Variants in MAP3K20 observed in about 807,000 individuals in gnomAD.
MAP3K20 encodes HCCS-4.
MAP3K20 carries 40 observed loss-of-function variants against 85.7 expected under a neutral mutation model. The ratio of observed to expected loss-of-function variants is 0.47; its 90% CI spans 0.36 to 0.61. The LOEUF is 0.61. MAP3K20 is among the 20% of genes least tolerant of loss of function. The pLI is 0.00. For missense variants in MAP3K20, 817 were observed against 961.7 expected (o/e 0.85, Z 1.99); for synonymous variants, 325 against 327.7 (o/e 0.99, Z 0.09).
At chr2:173,205,949 T>C (rs1020400484) in intron 9 of MAP3K20, among the ~76,000 whole-genome samples, 1 of 152,210 alleles carries the variant, frequency 6.6e-6, no homozygotes, top group African/African-American at 2.4e-5. Flanking sequence ...TAAGCACGTA[T>C]TTTCAAGCTT....
At chr2:173,098,405 C>G (rs1440972144) in intron 2 of MAP3K20, among the ~76,000 whole-genome samples, 1 of 152,184 alleles carries the variant, frequency 6.6e-6, no homozygotes, top group Non-Finnish European at 1.5e-5. Flanking sequence ...AAATATCACA[C>G]CTGACCTCAT....
intron 9 of MAP3K20, among the ~76,000 whole-genome samples, chr2:173,204,482 A>C (rs1359767213): frequency 6.6e-6 from 1 of 152,236 alleles, no homozygotes; most frequent in Admixed American, 6.5e-5. Context: ...GTCCAGCTTC[A>C]GTGATGTTTT....
At chr2:173,207,085 C>A (rs1309160221) in intron 9 of MAP3K20, among the ~76,000 whole-genome samples, 1 of 151,566 alleles carries the variant, frequency 6.6e-6, no homozygotes, top group African/African-American at 2.4e-5. Flanking sequence ...AGGTAAATGT[C>A]AAGTCCTTCT....
chr2:173,155,375 G>A (rs964124967), intron 2 of MAP3K20, among the ~76,000 whole-genome samples: 8 of 152,138 alleles, frequency 5.3e-5, no homozygotes, highest in Non-Finnish European at 1.0e-4. Context: ...ATTATTGTCC[G>A]TCTTTTCCAG....
chr2:173,235,539 G>C (rs1159540224), intron 14 of MAP3K20, among the ~76,000 whole-genome samples: 1 of 152,222 alleles, frequency 6.6e-6, no homozygotes, highest in African/African-American at 2.4e-5. Flanking sequence ...AATCCATAGA[G>C]ACAGAAAGCA....
Position 173,229,830 on chromosome 2 carries a change from C to CT in MAP3K20, c.1032+98dup. On this transcript the variant is annotated intron_variant, in intron 12 of 19. Transcript: ENST00000375213. ...GGAAGAGATTGGGCCTTAGGAAAGT[C>CT]TAACTAGGAGAGGTTGACAAATTCT... 2.2e-6 allele frequency: 3 copies of CT among 1,357,686 alleles called. No individual in the cohort carries two copies. In the South Asian group the frequency reaches 3.5e-5, roughly 16 times the overall value. The allele number at this position is 1,357,686 out of a possible 1,614,324, so 84.1% of individuals were successfully genotyped here. A position where few individuals can be genotyped will look rare whatever the true frequency, so the allele number is the denominator to read the frequency against.
In MAP3K20 at chr2:173,082,873, G is replaced by A. The variant is rs527491406; in HGVS notation, c.-35+6871G>A. On this transcript the variant is annotated intron_variant, in intron 1 of 19. Transcript: ENST00000375213. ...TGTTTGAGCACAGACATGTTTCCAC[G>A]CAGCATTTCTGTGGCGTTAAGTGCT... 1.6e-4 allele frequency among the ~76,000 whole-genome samples: 25 copies of A among 152,326 alleles called. 1 individual carries two copies. In the Middle Eastern group the frequency reaches 0.014, roughly 83 times the overall value.
intron 7 of MAP3K20, among the ~76,000 whole-genome samples, chr2:173,196,726 T>A (rs1299171369): frequency 6.6e-6 from 1 of 152,186 alleles, no homozygotes; most frequent in African/African-American, 2.4e-5. Context: ...TACGTTCCTA[T>A]TAGAAATGAG....
Position 173,232,476 on chromosome 2 carries a change from C to A in MAP3K20, c.1203+17C>A, listed in dbSNP as rs1454427595. 4 of 1,608,738 alleles carry A rather than the reference C, an allele frequency of 2.5e-6. No homozygotes were observed. Among genetic ancestry groups the A allele is most frequent in the Non-Finnish European group, 3.4e-6 (4 of 1,178,358 alleles). On this transcript the variant is annotated intron_variant, in intron 14 of 19. Coordinates refer to ENST00000375213, the MANE Select transcript of MAP3K20 (RefSeq NM_016653.3). Reference sequence around the variant, plus strand: ...CACTTCAAGGTACCTGAGAAAGGGACAACATTCCATCAGCAAACCCTTTTT... The same window carrying A: ...CACTTCAAGGTACCTGAGAAAGGGAAAACATTCCATCAGCAAACCCTTTTT...
intron 2 of MAP3K20, among the ~76,000 whole-genome samples, chr2:173,099,335 G>GTTT (rs34315902): frequency 9.1e-5 from 12 of 131,228 alleles, no homozygotes; most frequent in African/African-American, 1.9e-4. Context: ...GTTTTGTTTT[G>GTTT]TTTTTTTTTT....
intron 1 of MAP3K20, among the ~76,000 whole-genome samples, chr2:173,079,530 CT>C (rs914147134): frequency 2.4e-4 from 36 of 151,850 alleles, no homozygotes; most frequent in Non-Finnish European, 3.7e-4. Flanking sequence ...AAACTTTAAA[CT>C]TTTTTTTAAC....
chr2:173,087,474 A>C (rs1687174753), intron 1 of MAP3K20, among the ~76,000 whole-genome samples: 1 of 152,388 alleles, frequency 6.6e-6, no homozygotes, highest in Admixed American at 6.5e-5. Context: ...TGAATAACAC[A>C]AGAAACTTTC....
intron 16 of MAP3K20, among the ~76,000 whole-genome samples, chr2:173,252,263 A>G (rs780445409): frequency 9.2e-5 from 14 of 152,238 alleles, no homozygotes; most frequent in Non-Finnish European, 1.8e-4. Flanking sequence ...TCTCACAAAG[A>G]GATACTTAAT....
intron 14 of MAP3K20, among the ~76,000 whole-genome samples, chr2:173,235,149 G>C (rs1389604927): frequency 2.0e-5 from 3 of 152,240 alleles, no homozygotes; most frequent in African/African-American, 7.2e-5. Context: ...ATTTATTAGA[G>C]AAAGTGTGAA....
intron 2 of MAP3K20, among the ~76,000 whole-genome samples, chr2:173,148,377 G>T (rs1689197483): frequency 6.6e-6 from 1 of 152,148 alleles, no homozygotes; most frequent in South Asian, 2.1e-4. Flanking sequence ...GAGGTAGGCT[G>T]TTTCATGGCT....
intron 2 of MAP3K20, among the ~76,000 whole-genome samples, chr2:173,101,593 A>G (rs1687640723): frequency 2.6e-5 from 4 of 152,258 alleles, no homozygotes; most frequent in Admixed American, 2.6e-4. Flanking sequence ...CTATTAGAAG[A>G]AAAATAGTAT....
chr2:173,255,451 G>A (rs970164637), intron 16 of MAP3K20, among the ~76,000 whole-genome samples: 2 of 152,186 alleles, frequency 1.3e-5, no homozygotes, highest in African/African-American at 2.4e-5. Flanking sequence ...TAATCTTTCT[G>A]AGCCTCATTT....
intron 16 of MAP3K20, 74 bp from the exon 17 acceptor site, chr2:173,258,625 T>G: frequency 1.3e-6 from 1 of 759,670 alleles, no homozygotes; most frequent in Non-Finnish European, 2.2e-6. Flanking sequence ...ATATTTTATG[T>G]GTTAGGAAAT....
rs550369301 is a variant in MAP3K20 at position 173,092,150 on chromosome 2, C to T, written c.159+960C>T. On this transcript the variant is annotated intron_variant, in intron 2 of 19. Transcript: ENST00000375213. ...TAGCACTTTGTGAGTTTCCTCCCAG[C>T]GGTGCTGTGTAATTGTGTGATCACC... 1.9e-4 allele frequency among the ~76,000 whole-genome samples: 29 copies of T among 152,284 alleles called. No individual in the cohort carries two copies. The East Asian group carries it at 5.0e-3, about 26-fold the overall frequency.
Sources: gnomAD v4.1 joint callset for allele counts (sites outside exome capture counted in the v4.1 genomes callset) on GRCh38, gnomAD v4.1.1 for gene constraint, MANE v1.5 for transcripts, NCBI Gene and HGNC (gene_info 2026-07-23, HGNC 2026-07-21) for gene names.